Variants in NR3C1 observed in about 807,000 individuals in gnomAD.
The protein encoded by NR3C1 is glucocorticoid receptor.
Under a neutral mutation model 74.0 loss-of-function variants are expected in NR3C1, and 14 were observed. The observed-to-expected ratio is 0.19, with a 90% CI of 0.12 to 0.30. The LOEUF (loss-of-function observed/expected upper bound fraction) is 0.30, where lower values mean the gene tolerates loss of function less well. NR3C1 is among the 10% of genes least tolerant of loss of function. The pLI is 1.00. For missense variants in NR3C1, 695 were observed against 909.8 expected, an observed-to-expected ratio of 0.76 and a Z score of 3.04; for synonymous variants, 308 against 332.5, an observed-to-expected ratio of 0.93 and a Z score of 0.80.
At chr5:143,381,357 C>T (rs1288304058) in intron 2 of NR3C1, among the ~76,000 whole-genome samples, 4 of 151,926 alleles carry the variant, frequency 2.6e-5, no homozygotes, top group African/African-American at 9.7e-5. Context: ...TTAAAATGTC[C>T]ATACTACCCA....
intron 2 of NR3C1, among the ~76,000 whole-genome samples, chr5:143,393,068 A>G (rs1315723008): frequency 6.6e-6 from 1 of 152,190 alleles, no homozygotes; most frequent in African/African-American, 2.4e-5. Context: ...TTTAAGTTCT[A>G]ATCTAAAATA....
Position 143,282,002 on chromosome 5 carries a change from A to C in NR3C1, c.2221T>G (p.Leu741Val). Reference sequence around the variant, plus strand: ...AATTCAATACTCATGGTCTTATCCAAAAATGTTTGGAAGCAATAGTTAAGG... The same window carrying C: ...AATTCAATACTCATGGTCTTATCCACAAATGTTTGGAAGCAATAGTTAAGG... ...NLLNYCFQTF[L>V]DKTMSIEFPE... The change falls in exon 9 of 9, where the codon TTG (leucine) becomes GTG (valine). Residue 741 changes from leucine (L) to valine (V), a missense_variant. Transcript: ENST00000394464. 6.2e-7 allele frequency: 1 copy of C among 1,613,784 alleles called. No individual in the cohort carries two copies. The highest frequency in any genetic ancestry group is 8.5e-7 in the Non-Finnish European group (1 of 1,179,808).
At chr5:143,297,597 A>C (rs1300430629) in intron 6 of NR3C1, among the ~76,000 whole-genome samples, 1 of 152,192 alleles carries the variant, frequency 6.6e-6, no homozygotes, top group Non-Finnish European at 1.5e-5. Context: ...CTTTTTGGCA[A>C]TAAAAGTCAA....
chr5:143,403,432 CG>C lies in NR3C1; in HGVS notation c.-236del. The C allele has an allele frequency of 1.1e-6, 1 of 893,224 alleles. No individual in the cohort carries two copies. The highest frequency in any genetic ancestry group is 1.3e-6 in the Non-Finnish European group (1 of 789,710). The allele number at this position is 893,224 out of a possible 1,614,324, so 55.3% of individuals were successfully genotyped here. ...GACAAGCCAGCCCTCCGCCCCGCGC[CG>C]GGCTCCGCGGGTCGAGGTTCCGGGC... On this transcript the variant is annotated 5_prime_UTR_variant, in exon 1 of 9. Transcript: ENST00000394464.
intron 2 of NR3C1, among the ~76,000 whole-genome samples, chr5:143,364,754 G>A (rs533604213): frequency 2.3e-4 from 35 of 152,118 alleles, no homozygotes; most frequent in African/African-American, 8.2e-4. Context: ...TACCCAGGCT[G>A]GAGTGCAGTG....
At position 143,400,476 on chromosome 5, in the gene NR3C1, A is replaced by G. The variant is rs1465201623; in HGVS notation, c.364T>C (p.Leu122=). Residue 122 remains leucine (L), a synonymous_variant, in exon 2 of 9, where the codon TTG becomes CTG. Transcript: ENST00000394464. ...LSSGETDLKL[L]EESIANLNRS... is the part of the protein sequence containing the mutation. ...TTGAGGTTTGCAATGCTTTCTTCCA[A>G]AAGCTTTAAGTCTGTTTCCCCCGAG... 1.2e-6 allele frequency: 2 copies of G among 1,614,058 alleles called. No individual in the cohort carries two copies. Among genetic ancestry groups the G allele is most frequent in the Non-Finnish European group, 8.5e-7 (1 of 1,180,042 alleles).
Position 143,281,039 on chromosome 5 carries a change from G to A in NR3C1, c.*850C>T, listed in dbSNP as rs61753503. 1.3e-5 allele frequency: 2 copies of A among 151,768 alleles called. No individual in the cohort carries two copies. Among genetic ancestry groups the A allele is most frequent in the African/African-American group, 4.8e-5 (2 of 41,242 alleles). 9.4% of individuals were successfully genotyped at this position (151,768 alleles called of 1,614,324 possible). ...GTTTACCCAGCAGGTCACTGGACTAGGTGCTCTATACCAGTTAGGACTGTT... is the reference window on the plus strand; with the variant it reads ...GTTTACCCAGCAGGTCACTGGACTAAGTGCTCTATACCAGTTAGGACTGTT... On this transcript the variant is annotated 3_prime_UTR_variant, in exon 9 of 9. Transcript: ENST00000394464.
chr5:143,342,678 C>T lies in NR3C1; in HGVS notation c.1185-28510G>A, dbSNP rs567919557. The stretch of plus-strand genomic sequence containing the variant: ...GAGCAAGGAAGCATCGAAAAATGAT[C>T]GAGTTCCTAGCCAGGAGCCAGGAAA... On this transcript the variant is annotated intron_variant, in intron 2 of 8. Transcript: ENST00000394464. Among the ~76,000 whole-genome samples the T allele has an allele frequency of 7.2e-5, 11 of 152,232 alleles. No individual in the cohort carries two copies. In the South Asian group the frequency reaches 1.5e-3, roughly 20 times the overall value.
At chr5:143,405,273 C>G (rs1465428418), upstream of NR3C1, 1 of 985,646 alleles carries the variant, frequency 1.0e-6, no homozygotes, top group African/African-American at 1.7e-5. Flanking sequence ...CTGACACGGG[C>G]GGGGGCTGCC....
intron 7 of NR3C1, among the ~76,000 whole-genome samples, chr5:143,286,968 T>C (rs1471368022): frequency 2.0e-5 from 3 of 148,918 alleles, no homozygotes; most frequent in Non-Finnish European, 4.5e-5. Flanking sequence ...ATATGGAAAA[T>C]CCCCAAATAT....
At chr5:143,398,726 TG>T (rs1488979407) in intron 2 of NR3C1, among the ~76,000 whole-genome samples, 1 of 152,112 alleles carries the variant, frequency 6.6e-6, no homozygotes, top group Non-Finnish European at 1.5e-5. Context: ...TTATCTGAAT[TG>T]GGGATGAGGT....
In NR3C1 at chr5:143,281,011, A is replaced by G. The variant is rs1158518168; in HGVS notation, c.*878T>C. 1 of 151,922 alleles carries G rather than the reference A, an allele frequency of 6.6e-6. No individual in the cohort carries two copies. Among genetic ancestry groups the G allele is most frequent in the Non-Finnish European group, 1.5e-5 (1 of 67,986 alleles). 9.4% of individuals were successfully genotyped at this position (151,922 alleles called of 1,614,324 possible). ...AATTAGTCTTTTGCAACCATCATCC[A>G]CAGTTTACCCAGCAGGTCACTGGAC... On this transcript the variant is annotated 3_prime_UTR_variant, in exon 9 of 9. Coordinates refer to ENST00000394464, the MANE Select transcript of NR3C1 (RefSeq NM_000176.3).
At chr5:143,349,104 A>AC (rs910078872) in intron 2 of NR3C1, among the ~76,000 whole-genome samples, 12 of 152,130 alleles carry the variant, frequency 7.9e-5, no homozygotes, top group African/African-American at 2.9e-4. Context: ...AGAAAGGATG[A>AC]GGGGGGTCAA....
chr5:143,296,493 C>CTTTTCTGGGAGGCACCTTTTTTTCCTTTA (rs1817230443), intron 6 of NR3C1, among the ~76,000 whole-genome samples: 1 of 152,144 alleles, frequency 6.6e-6, no homozygotes, highest in Non-Finnish European at 1.5e-5. Flanking sequence ...TAAAGCACTC[C>CTTTTCTGGGAGGCACCTTTTTTTCCTTTA]TTTTCTGGGA....
chr5:143,300,464 C>G lies in NR3C1; in HGVS notation c.1747+21G>C, dbSNP rs1818282638. The G allele has an allele frequency of 6.2e-7, 1 of 1,613,966 alleles. No individual in the cohort carries two copies. Among genetic ancestry groups the G allele is most frequent in the African/African-American group, 1.3e-5 (1 of 74,924 alleles). On this transcript the variant is annotated intron_variant, in intron 5 of 8. Transcript: ENST00000394464. This position sits in a 1 kb window ranked among gnomAD's most constrained non-coding sequence, Gnocchi z 5.2. ...AAACACAAAGGTTTATATAGTTGCT[C>G]TTTTATGTTTTGCATCTTACCTGGT... is the stretch of plus-strand genomic sequence containing the variant.
chr5:143,307,792 C>T (rs979828368), intron 4 of NR3C1, among the ~76,000 whole-genome samples: 7 of 152,232 alleles, frequency 4.6e-5, no homozygotes, highest in South Asian at 2.1e-4. Flanking sequence ...GATTAGAGAG[C>T]AGCAAGATGA....
At chr5:143,313,925 T>C in intron 3 of NR3C1, 77 bp downstream of exon 3, 1 of 1,495,048 alleles carries the variant, frequency 6.7e-7, no homozygotes, top group South Asian at 1.1e-5. Flanking sequence ...GCTTTGCATA[T>C]AATGGAAATT....
chr5:143,285,637 A>C (rs928879517), intron 7 of NR3C1, among the ~76,000 whole-genome samples: 2 of 152,104 alleles, frequency 1.3e-5, no homozygotes, highest in Admixed American at 1.3e-4. Context: ...AAATGTTTAG[A>C]ATTTGACATT....
intron 7 of NR3C1, among the ~76,000 whole-genome samples, chr5:143,291,674 A>G: frequency 6.6e-6 from 1 of 152,144 alleles, no homozygotes; most frequent in Non-Finnish European, 1.5e-5. Flanking sequence ...CTATGTTTAT[A>G]TTGCATTTGA....
Sources: gnomAD v4.1 joint callset for allele counts (sites outside exome capture counted in the v4.1 genomes callset) on GRCh38, gnomAD v4.1.1 for gene constraint, Gnocchi (gnomAD v3.1) non-coding constraint, MANE v1.5 for transcripts, NCBI Gene and HGNC (gene_info 2026-07-23, HGNC 2026-07-21) for gene names.